INPP4B: variants seen among roughly 807,000 people sequenced by gnomAD.
INPP4B encodes the protein inositol polyphosphate-4-phosphatase type II B.
A neutral mutation model predicts 122.5 loss-of-function variants in INPP4B; 55 were observed. That is an observed-to-expected ratio of 0.45 (90% CI 0.36 to 0.56). The LOEUF (loss-of-function observed/expected upper bound fraction) is 0.56, where lower values mean the gene tolerates loss of function less well. INPP4B is among the 20% of genes least tolerant of loss of function. INPP4B has a pLI of 0.00. For synonymous variants in INPP4B, 403 were observed against 388.7 expected, an observed-to-expected ratio of 1.04 and a Z score of -0.43; for missense variants, 1,000 against 1,097.7, an observed-to-expected ratio of 0.91 and a Z score of 1.26.
At position 142,028,679 on chromosome 4, in the gene INPP4B, C is replaced by T. The variant is rs546176238; in HGVS notation, c.*103G>A. 122 of 1,214,022 alleles carry T rather than the reference C, an allele frequency of 1.0e-4. No homozygotes were observed. The African/African-American group carries it at 1.7e-3, about 17-fold the overall frequency. The allele number at this position is 1,214,022 out of a possible 1,614,324, so 75.2% of individuals were successfully genotyped here. On this transcript the variant is annotated 3_prime_UTR_variant, in exon 26 of 26. Coordinates refer to ENST00000262992, the MANE Select transcript of INPP4B (RefSeq NM_001101669.3). ...TTGGGAAACATCTGTGATCATCTCC[C>T]CCACCACAAATTCATGACAATAAAA... is the stretch of plus-strand genomic sequence containing the variant.
intron 11 of INPP4B, among the ~76,000 whole-genome samples, chr4:142,255,123 G>T (rs1464594483): frequency 1.3e-5 from 2 of 151,646 alleles, no homozygotes; most frequent in Non-Finnish European, 2.9e-5. Context: ...AAGTGAAGGA[G>T]AAATAAAATA....
intron 2 of INPP4B, among the ~76,000 whole-genome samples, chr4:142,661,996 G>T (rs1318839299): frequency 6.6e-6 from 1 of 152,106 alleles, no homozygotes; most frequent in Non-Finnish European, 1.5e-5. Flanking sequence ...CACGTTGGGA[G>T]GCCAAGGCAG....
intron 16 of INPP4B, among the ~76,000 whole-genome samples, chr4:142,173,190 C>A (rs1341377907): frequency 6.6e-6 from 1 of 151,906 alleles, no homozygotes; most frequent in East Asian, 1.9e-4. Context: ...AGAGGAAGTA[C>A]CCCACACAGA....
intron 8 of INPP4B, among the ~76,000 whole-genome samples, chr4:142,311,186 C>T (rs978965603): frequency 1.3e-5 from 2 of 152,226 alleles, no homozygotes; most frequent in South Asian, 2.1e-4. Context: ...TTTGAGGATT[C>T]GCTGATAGGA....
At chr4:142,126,791 A>G (rs1798813491) in intron 18 of INPP4B, among the ~76,000 whole-genome samples, 1 of 152,038 alleles carries the variant, frequency 6.6e-6, no homozygotes, top group Non-Finnish European at 1.5e-5. Context: ...CTTTTTTTTC[A>G]TAATAAGAGA....
chr4:142,673,486 G>T (rs1757286387), intron 2 of INPP4B, among the ~76,000 whole-genome samples: 2 of 151,850 alleles, frequency 1.3e-5, no homozygotes, highest in South Asian at 4.2e-4. Flanking sequence ...TTGGGACAGA[G>T]AATAATACGT....
At chr4:142,683,263 A>G (rs185674542) in intron 2 of INPP4B, among the ~76,000 whole-genome samples, 42 of 152,090 alleles carry the variant, frequency 2.8e-4, no homozygotes, top group Non-Finnish European at 8.8e-5. Context: ...ATAAAAGCTT[A>G]TGTAAGGTAT....
intron 7 of INPP4B, among the ~76,000 whole-genome samples, chr4:142,397,324 A>G (rs1799670220): frequency 6.6e-6 from 1 of 152,218 alleles, no homozygotes; most frequent in Non-Finnish European, 1.5e-5. Context: ...AACAAGGCCT[A>G]TGGAACAAAA....
At chr4:142,553,372 A>T (rs1266432696) in intron 2 of INPP4B, among the ~76,000 whole-genome samples, 1 of 152,198 alleles carries the variant, frequency 6.6e-6, no homozygotes, top group East Asian at 1.9e-4. Context: ...CAATAAATCT[A>T]AAACTAAGTT....
At chr4:142,247,890 A>C (rs1284458673) in intron 11 of INPP4B, among the ~76,000 whole-genome samples, 2 of 152,184 alleles carry the variant, frequency 1.3e-5, no homozygotes, top group South Asian at 4.1e-4. Context: ...TCAAAGAAAG[A>C]AAAATAATTG....
At chr4:142,383,326 A>G (rs952687230) in intron 7 of INPP4B, among the ~76,000 whole-genome samples, 6 of 152,162 alleles carry the variant, frequency 3.9e-5, no homozygotes, top group Non-Finnish European at 8.8e-5. Flanking sequence ...TTTTCCCAAT[A>G]TAGTCACAGT....
At chr4:142,297,123 C>A (rs1369138842) in intron 9 of INPP4B, among the ~76,000 whole-genome samples, 1 of 152,268 alleles carries the variant, frequency 6.6e-6, no homozygotes, top group Admixed American at 6.5e-5. Flanking sequence ...CCTTTTATTG[C>A]TAAAGTTTTT....
At chr4:142,373,055 C>T (rs1790493501) in intron 7 of INPP4B, among the ~76,000 whole-genome samples, 1 of 151,984 alleles carries the variant, frequency 6.6e-6, no homozygotes, top group South Asian at 2.1e-4. Context: ...CATTTATATT[C>T]TATGCCAGAA....
intron 2 of INPP4B, among the ~76,000 whole-genome samples, chr4:142,519,203 TTAAGGAATTAAAACTC>T (rs1451231837): frequency 1.3e-5 from 2 of 152,092 alleles, no homozygotes; most frequent in Non-Finnish European, 2.9e-5. Context: ...TCACACACTT[TTAAGGAATTAAAACTC>T]TAAGTTATTT....
intron 2 of INPP4B, among the ~76,000 whole-genome samples, chr4:142,492,972 C>T (rs1003334624): frequency 1.3e-5 from 2 of 152,204 alleles, no homozygotes; most frequent in East Asian, 1.9e-4. Context: ...CCCAGGGCAC[C>T]CCTGCTCTAT....
intron 2 of INPP4B, chr4:142,473,426 G>C (rs1425282638): frequency 1.3e-5 from 2 of 152,372 alleles, no homozygotes; most frequent in African/African-American, 4.8e-5. Context: ...GATACACACT[G>C]CCTACAGGGA....
intron 23 of INPP4B, among the ~76,000 whole-genome samples, chr4:142,103,872 A>AT (rs34667025): frequency 4.6e-5 from 7 of 151,414 alleles, no homozygotes; most frequent in Admixed American, 1.3e-4. Flanking sequence ...ACAGTACTAA[A>AT]TTTTTTTTTC....
In INPP4B at chr4:142,238,014, G is replaced by GA; in HGVS notation, c.689-4_689-3insT. 1 of 1,436,784 alleles carries GA rather than the reference G, an allele frequency of 7.0e-7. No homozygotes were observed. 89.0% of individuals were successfully genotyped at this position (1,436,784 alleles called of 1,614,324 possible). A position where few individuals can be genotyped will look rare whatever the true frequency, so the allele number is the denominator to read the frequency against. ...TTTACATACTGGGTTCTTTAACACT[G>GA]GAAAAAAAAAGAAAAAATAATAGTT... is the stretch of plus-strand genomic sequence containing the variant. On this transcript the variant is annotated splice_region_variant and splice_polypyrimidine_tract_variant and intron_variant, in intron 11 of 25. Transcript: ENST00000262992.
At chr4:142,510,261 G>A (rs1449128764) in intron 2 of INPP4B, among the ~76,000 whole-genome samples, 1 of 152,132 alleles carries the variant, frequency 6.6e-6, no homozygotes, top group Non-Finnish European at 1.5e-5. Flanking sequence ...AACACAGAAT[G>A]CCACCAGCTA....
Sources: gnomAD v4.1 joint callset for allele counts (sites outside exome capture counted in the v4.1 genomes callset) on GRCh38, gnomAD v4.1.1 for gene constraint, MANE v1.5 for transcripts, NCBI Gene and HGNC (gene_info 2026-07-23, HGNC 2026-07-21) for gene names.